CSMD1: variants seen among roughly 807,000 people sequenced by gnomAD.
CSMD1 encodes CUB and sushi domain-containing protein 1.
Under a neutral mutation model 417.5 loss-of-function variants are expected in CSMD1, and 213 were observed. The observed-to-expected ratio is 0.51, with a 90% CI of 0.46 to 0.57. The LOEUF is 0.57. Among genes scored for constraint, CSMD1 ranks in the 20% least tolerant of loss-of-function variants. The pLI is 0.00. For synonymous variants in CSMD1, 2,862 were observed against 1,736.8 expected (o/e 1.65, Z -16.11); for missense variants, 6,923 against 4,529.7 (o/e 1.53, Z -15.17).
chr8:4,495,886 G>A (rs77303709), intron 2 of CSMD1, among the ~76,000 whole-genome samples: 1,873 of 151,856 alleles, frequency 0.012, 23 homozygotes, highest in Non-Finnish European at 0.02. Flanking sequence ...TGTGTTTTTT[G>A]CTCCATCTTA....
At chr8:4,070,165 G>A (rs1389212523) in intron 3 of CSMD1, among the ~76,000 whole-genome samples, 1 of 151,878 alleles carries the variant, frequency 6.6e-6, no homozygotes, top group African/African-American at 2.4e-5. Flanking sequence ...TATAAAGAAT[G>A]CAATTTTAGA....
At chr8:2,992,798 C>T (rs766555887) in intron 54 of CSMD1, among the ~76,000 whole-genome samples, 10 of 151,892 alleles carry the variant, frequency 6.6e-5, no homozygotes, top group African/African-American at 2.2e-4. Flanking sequence ...GCTGGAAGTG[C>T]CGTGTCTTGG....
intron 5 of CSMD1, among the ~76,000 whole-genome samples, chr8:3,993,001 G>T (rs573566985): frequency 6.6e-6 from 1 of 152,324 alleles, no homozygotes; most frequent in South Asian, 2.1e-4. Flanking sequence ...GGCCAAGGAG[G>T]CAAAACCAAA....
intron 5 of CSMD1, among the ~76,000 whole-genome samples, chr8:3,953,874 G>C (rs1008604591): frequency 1.3e-5 from 2 of 152,288 alleles, no homozygotes; most frequent in East Asian, 3.9e-4. Flanking sequence ...TCCTGTGTGA[G>C]GTGCTGTGCA....
chr8:4,547,762 C>G (rs1403072831), intron 2 of CSMD1, among the ~76,000 whole-genome samples: 1 of 152,164 alleles, frequency 6.6e-6, no homozygotes, highest in Non-Finnish European at 1.5e-5. Context: ...TGAATGAAAA[C>G]TCTTGTACCC....
chr8:3,007,487 C>T (rs1048035899), intron 52 of CSMD1, among the ~76,000 whole-genome samples: 50 of 151,442 alleles, frequency 3.3e-4, no homozygotes, highest in African/African-American at 1.2e-3. Context: ...TTTATTGCGG[C>T]ATTATTCACA....
At chr8:4,124,078 C>G (rs912798223) in intron 3 of CSMD1, among the ~76,000 whole-genome samples, 14 of 151,700 alleles carry the variant, frequency 9.2e-5, no homozygotes, top group South Asian at 4.2e-4. Context: ...CTTCTACGCA[C>G]AGAACAACGA....
chr8:4,374,761 G>C (rs182668717), intron 3 of CSMD1, among the ~76,000 whole-genome samples: 93 of 152,266 alleles, frequency 6.1e-4, no homozygotes, highest in African/African-American at 2.1e-3. Flanking sequence ...AGTGGTTCTT[G>C]TCTAATGAAT....
intron 5 of CSMD1, among the ~76,000 whole-genome samples, chr8:3,956,738 C>A (rs142898960): frequency 1.3e-5 from 2 of 152,048 alleles, no homozygotes; most frequent in Non-Finnish European, 2.9e-5. Context: ...TTGGGCTGAA[C>A]GTTCTTTAGC....
chr8:3,856,139 G>T lies in CSMD1; in HGVS notation c.819-102097C>A, dbSNP rs35006024. Among the ~76,000 whole-genome samples, 124 of 152,196 alleles carry T rather than the reference G, an allele frequency of 8.1e-4. 1 individual carries two copies. The South Asian group carries it at 0.012, about 14-fold the overall frequency. On this transcript the variant is annotated intron_variant, in intron 5 of 69. Coordinates refer to ENST00000635120, the MANE Select transcript of CSMD1 (RefSeq NM_033225.6). Reference sequence around the variant, plus strand: ...GTGCTGGAGACGGGGCTTGGTGGGAGGTGACTGGATTGTGGAGGTGGTTTG... The same window carrying T: ...GTGCTGGAGACGGGGCTTGGTGGGATGTGACTGGATTGTGGAGGTGGTTTG...
chr8:3,762,014 C>T (rs570309709), intron 5 of CSMD1, among the ~76,000 whole-genome samples: 56 of 152,118 alleles, frequency 3.7e-4, no homozygotes, highest in Non-Finnish European at 4.9e-4. Context: ...ACTCTAGCCA[C>T]GGCCTTTAGC....
chr8:4,814,067 C>G (rs937181942), intron 1 of CSMD1, among the ~76,000 whole-genome samples: 1 of 152,148 alleles, frequency 6.6e-6, no homozygotes, highest in Non-Finnish European at 1.5e-5. Context: ...ATGGCAATAA[C>G]CTTTAAAAAA....
At chr8:4,211,313 T>A (rs1428750100) in intron 3 of CSMD1, among the ~76,000 whole-genome samples, 1 of 152,182 alleles carries the variant, frequency 6.6e-6, no homozygotes, top group African/African-American at 2.4e-5. Flanking sequence ...TAATCTGCTA[T>A]CATTATATCC....
intron 1 of CSMD1, among the ~76,000 whole-genome samples, chr8:4,698,063 A>G (rs1807251722): frequency 6.6e-6 from 1 of 152,034 alleles, no homozygotes; most frequent in African/African-American, 2.4e-5. Flanking sequence ...TCAAAATATT[A>G]AGTGAAGTTC....
intron 3 of CSMD1, among the ~76,000 whole-genome samples, chr8:4,140,442 G>A (rs1022100230): frequency 6.6e-6 from 1 of 150,864 alleles, no homozygotes; most frequent in Admixed American, 6.6e-5. Flanking sequence ...AGGTTGCCGT[G>A]AGCCAAGATC....
rs141184316 is a variant in CSMD1, at chr8:3,388,505, A to C, written c.2594-823T>G. Reference sequence around the variant, plus strand: ...TCTCAGTAAACATCAGAACATTAGAATGAATATCTGAACTGTGAATTAAAA... The same window carrying C: ...TCTCAGTAAACATCAGAACATTAGACTGAATATCTGAACTGTGAATTAAAA... On this transcript the variant is annotated intron_variant, in intron 17 of 69. Transcript: ENST00000635120. Among the ~76,000 whole-genome samples the C allele has an allele frequency of 2.6e-4, 40 of 152,356 alleles. No individual in the cohort carries two copies. In the East Asian group the frequency reaches 7.3e-3, roughly 28 times the overall value.
intron 23 of CSMD1, among the ~76,000 whole-genome samples, chr8:3,310,781 CTG>C (rs1424128981): frequency 1.3e-5 from 2 of 151,112 alleles, no homozygotes; most frequent in African/African-American, 2.4e-5. Flanking sequence ...GGCCAGGAAA[CTG>C]TGGGGTTCTG....
intron 1 of CSMD1, among the ~76,000 whole-genome samples, chr8:4,757,588 C>G (rs577592351): frequency 2.6e-5 from 4 of 152,174 alleles, no homozygotes. Flanking sequence ...CAATAGCCTA[C>G]AGGAGACATA....
intron 12 of CSMD1, among the ~76,000 whole-genome samples, chr8:3,411,953 TACAC>T (rs1480857659): frequency 1.5e-5 from 1 of 64,766 alleles, no homozygotes; most frequent in African/African-American, 6.4e-5. Flanking sequence ...CACGTATATA[TACAC>T]GTATATATGC....
Sources: gnomAD v4.1 joint callset for allele counts (sites outside exome capture counted in the v4.1 genomes callset) on GRCh38, gnomAD v4.1.1 for gene constraint, MANE v1.5 for transcripts, NCBI Gene and HGNC (gene_info 2026-07-23, HGNC 2026-07-21) for gene names.